Variants in SPECC1L observed in about 807,000 individuals in gnomAD.
The protein encoded by SPECC1L is sperm antigen with calponin homology and coiled-coil domains 1 like, also known as cytospin-A.
A neutral mutation model predicts 116.8 loss-of-function variants in SPECC1L; 40 were observed. That is an observed-to-expected ratio of 0.34 (90% CI 0.27 to 0.45). The LOEUF is 0.45. Ranked by LOEUF, SPECC1L falls within the 20% of genes least tolerant of loss-of-function variation. The pLI, the probability that SPECC1L is intolerant of heterozygous loss-of-function variation, is 1.00. For synonymous variants in SPECC1L, 504 were observed against 500.6 expected (o/e 1.01, Z -0.09); for missense variants, 1,110 against 1,373.6 (o/e 0.81, Z 3.03).
intron 14 of SPECC1L, among the ~76,000 whole-genome samples, chr22:24,408,969 G>T (rs571462763): frequency 2.2e-4 from 34 of 152,332 alleles, no homozygotes; most frequent in African/African-American, 7.9e-4. Context: ...CTTTACTTGG[G>T]TCCTTGCTGG....
At chr22:24,309,982 C>T (rs945399954) in intron 3 of SPECC1L, among the ~76,000 whole-genome samples, 15 of 152,194 alleles carry the variant, frequency 9.9e-5, no homozygotes, top group Non-Finnish European at 1.0e-4. Flanking sequence ...TTCCCTCTTA[C>T]GCAGTTCCCA....
chr22:24,305,283 C>G lies in SPECC1L; in HGVS notation c.153+2899C>G, dbSNP rs147011923. On this transcript the variant is annotated intron_variant, in intron 3 of 16. Coordinates refer to ENST00000314328, the MANE Select transcript of SPECC1L (RefSeq NM_015330.6). ...TTCAGTCACCACCTAGTTCAAGAAA[C>G]AGAACATATGTGCCCCTCAGAAGCT... Among the ~76,000 whole-genome samples the G allele has an allele frequency of 2.4e-4, 37 of 152,320 alleles. No homozygotes were observed. In the East Asian group the frequency reaches 6.4e-3, roughly 26 times the overall value.
At position 24,322,785 on chromosome 22, in the gene SPECC1L, A is replaced by G; in HGVS notation, c.1805A>G (p.Lys602Arg). 2 of 1,587,320 alleles carry G rather than the reference A, an allele frequency of 1.3e-6. No individual in the cohort carries two copies. Among genetic ancestry groups the G allele is most frequent in the Non-Finnish European group, 1.7e-6 (2 of 1,168,596 alleles). Residue 602 changes from lysine (K) to arginine (R), a missense_variant, in exon 5 of 17, where the codon AAA (lysine) becomes AGA (arginine). By Grantham distance (26) the Lys-to-Arg change is conservative. Transcript: ENST00000314328. ...TATTCTATCCATAACTCTGGAGACA[A>G]ATCTGATATTCAGGACCTCCTGGAG... The part of the protein sequence containing the change: ...ELYSIHNSGD[K>R]SDIQDLLESV...
intron 14 of SPECC1L, among the ~76,000 whole-genome samples, chr22:24,406,894 C>T (rs997901863): frequency 2.6e-5 from 4 of 152,224 alleles, no homozygotes; most frequent in Non-Finnish European, 5.9e-5. Flanking sequence ...CAGCCTGGAA[C>T]ATTTCAAACC....
chr22:24,363,191 TCTTTGTAC>T, intron 11 of SPECC1L, 62 bp from the exon 12 acceptor site: 1 of 1,383,666 alleles, frequency 7.2e-7, no homozygotes, highest in Non-Finnish European at 1.0e-6. Flanking sequence ...AAACTCACCT[TCTTTGTAC>T]CTTTATTACT....
intron 14 of SPECC1L, among the ~76,000 whole-genome samples, chr22:24,386,207 T>C (rs1318880392): frequency 2.0e-5 from 3 of 151,872 alleles, no homozygotes; most frequent in Non-Finnish European, 4.4e-5. Context: ...ACAAAAAATA[T>C]TTATAGTGGA....
intron 10 of SPECC1L, among the ~76,000 whole-genome samples, chr22:24,342,598 A>G (rs2041198916): frequency 6.7e-6 from 1 of 149,984 alleles, no homozygotes; most frequent in Non-Finnish European, 1.5e-5. Context: ...GCTTGAACCC[A>G]GGAGGGGGAG....
chr22:24,401,747 A>T (rs1033946717), intron 14 of SPECC1L, among the ~76,000 whole-genome samples: 2 of 152,114 alleles, frequency 1.3e-5, no homozygotes, highest in Non-Finnish European at 2.9e-5. Flanking sequence ...CAGTTTTTCA[A>T]ATGGTGAGCC....
Position 24,414,629 on chromosome 22 carries a change from C to G in SPECC1L, c.*6C>G, listed in dbSNP as rs1457977873. On this transcript the variant is annotated 3_prime_UTR_variant, in exon 17 of 17. Transcript: ENST00000314328. ...ACAAGTACTTTGAGACCTGAGCATGCCGGGAGGAGCCGCCCCAATAGCGGG... is the reference window on the plus strand; with the variant it reads ...ACAAGTACTTTGAGACCTGAGCATGGCGGGAGGAGCCGCCCCAATAGCGGG... 1 of 1,613,004 alleles carries G rather than the reference C, an allele frequency of 6.2e-7. No individual in the cohort carries two copies. The highest frequency in any genetic ancestry group is 1.7e-5 in the Admixed American group (1 of 60,000).
chr22:24,383,638 T>C (rs901316650), intron 14 of SPECC1L, among the ~76,000 whole-genome samples: 9 of 151,908 alleles, frequency 5.9e-5, no homozygotes, highest in African/African-American at 2.2e-4. Flanking sequence ...AAATTTTATT[T>C]TATTTTTTGA....
rs201882878 is a variant in SPECC1L at position 24,321,373 on chromosome 22, A to G, written c.393A>G (p.Arg131=). Residue 131 remains arginine, a synonymous_variant, in exon 5 of 17, where the codon CGA becomes CGG. Coordinates refer to ENST00000314328, the MANE Select transcript of SPECC1L (RefSeq NM_015330.6). ...GAGAAAGATTACGTGAACGTACCCG[A>G]TTAAACCAGAGCAAAAAACTACCTT... The part of the protein sequence containing the change: ...STRERLRERT[R]LNQSKKLPSA... The G allele has an allele frequency of 5.0e-6, 8 of 1,614,288 alleles. No individual in the cohort carries two copies. The highest frequency in any genetic ancestry group is 1.1e-5 in the South Asian group (1 of 91,092).
chr22:24,391,716 G>A (rs781546428), intron 14 of SPECC1L, among the ~76,000 whole-genome samples: 3 of 152,156 alleles, frequency 2.0e-5, no homozygotes, highest in Admixed American at 6.5e-5. Flanking sequence ...TGTACCTGTT[G>A]TTACTTCACC....
intron 6 of SPECC1L, 39 bp from the exon 7 acceptor site, chr22:24,328,807 T>C (rs2040879517): frequency 1.4e-6 from 2 of 1,479,588 alleles, no homozygotes; most frequent in African/African-American, 1.4e-5. Context: ...CTGAAGATTG[T>C]TGTGAGAATA....
At position 24,334,496 on chromosome 22, in the gene SPECC1L, G is replaced by C. The variant is rs201496961; in HGVS notation, c.2483G>C (p.Ser828Thr). The C allele has an allele frequency of 3.7e-6, 6 of 1,614,200 alleles. No homozygotes were observed. The highest frequency in any genetic ancestry group is 5.1e-6 in the Non-Finnish European group (6 of 1,180,032). ...GCCTTAAGGCAGGGAATGGGACTGAGTAGAAGGTCCTCGACTTCCTCAGAG... is the reference window on the plus strand; with the variant it reads ...GCCTTAAGGCAGGGAATGGGACTGACTAGAAGGTCCTCGACTTCCTCAGAG... ...LAALRQGMGL[S>T]RRSSTSSEPT... The change falls in exon 9 of 17, where the codon AGT (serine) becomes ACT (threonine). Residue 828 changes from serine to threonine, a missense_variant. Around this residue, in one of 4 missense-constraint regions of SPECC1L, gnomAD observed 575 missense variants for 682.4 expected, o/e 0.84. Coordinates refer to ENST00000314328, the MANE Select transcript of SPECC1L (RefSeq NM_015330.6).
chr22:24,284,136 T>C (rs936446789), intron 2 of SPECC1L, among the ~76,000 whole-genome samples: 1 of 152,182 alleles, frequency 6.6e-6, no homozygotes, highest in Admixed American at 6.5e-5. Flanking sequence ...TTCATTGCTC[T>C]TCTTTTTCAT....
At position 24,387,223 on chromosome 22, in the gene SPECC1L, A is replaced by C. The variant is rs539313298; in HGVS notation, c.3087+17903A>C. ...TAAGGTACTACAAAACAAGCAAAAA[A>C]AAGAATAAACTGTTGCAACATGCAG... On this transcript the variant is annotated intron_variant, in intron 14 of 16. Coordinates refer to ENST00000314328, the MANE Select transcript of SPECC1L (RefSeq NM_015330.6). 2.6e-5 allele frequency among the ~76,000 whole-genome samples: 4 copies of C among 152,378 alleles called. No homozygotes were observed. In the East Asian group the frequency reaches 7.7e-4, roughly 29 times the overall value.
chr22:24,317,367 T>C (rs1360269590), intron 4 of SPECC1L, among the ~76,000 whole-genome samples: 1 of 101,844 alleles, frequency 9.8e-6, no homozygotes, highest in Admixed American at 1.1e-4. Flanking sequence ...GAGGGGCTCC[T>C]CACTTCCCAG....
At chr22:24,397,767 T>C (rs2042395942) in intron 14 of SPECC1L, among the ~76,000 whole-genome samples, 1 of 152,236 alleles carries the variant, frequency 6.6e-6, no homozygotes, top group Non-Finnish European at 1.5e-5. Context: ...TTAGCAGACC[T>C]CATTTTTAGA....
At chr22:24,365,323 T>G (rs1298474794) in intron 12 of SPECC1L, among the ~76,000 whole-genome samples, 153 bp from the exon 13 acceptor site, 4 of 152,090 alleles carry the variant, frequency 2.6e-5, no homozygotes, top group Non-Finnish European at 1.5e-5. Flanking sequence ...GTTTTTTTAA[T>G]GGAAAAATAA....
Sources: gnomAD v4.1 joint callset for allele counts (sites outside exome capture counted in the v4.1 genomes callset) on GRCh38, gnomAD v4.1.1 for gene constraint, gnomAD v4.1.1 regional missense constraint, MANE v1.5 for transcripts, NCBI Gene and HGNC (gene_info 2026-07-23, HGNC 2026-07-21) for gene names.